ENTREP2: variants seen among roughly 807,000 people sequenced by gnomAD.
ENTREP2 encodes endosomal transmembrane epsin interactor 2.
At chr15:29,305,424 C>G in the ENTREP2 span, among the ~76,000 whole-genome samples, 1 of 152,024 alleles carries the variant, frequency 6.6e-6, no homozygotes, top group Non-Finnish European at 1.5e-5. Flanking sequence ...GCAGGAGTAG[C>G]GCCAGGGAGA....
At chr15:29,512,084 T>G in the ENTREP2 span, among the ~76,000 whole-genome samples, 1 of 151,952 alleles carries the variant, frequency 6.6e-6, no homozygotes, top group African/African-American at 2.4e-5. Context: ...TGAAAAATGG[T>G]AAATAAACAT....
chr15:29,581,708 TG>T, the ENTREP2 span, among the ~76,000 whole-genome samples: 36 of 149,494 alleles, frequency 2.4e-4, no homozygotes, highest in Non-Finnish European at 5.1e-4. Flanking sequence ...CCCAGCAAGT[TG>T]GTTTTTTTTT....
chr15:29,673,082 G>A, the ENTREP2 span, among the ~76,000 whole-genome samples: 1 of 152,098 alleles, frequency 6.6e-6, no homozygotes. Flanking sequence ...ACTTCTGGAC[G>A]TTGCCATGGC....
chr15:29,519,159 T>TCTCACA, the ENTREP2 span, among the ~76,000 whole-genome samples: 1 of 147,330 alleles, frequency 6.8e-6, no homozygotes, highest in African/African-American at 2.6e-5. Flanking sequence ...TCTCTCTCTC[T>TCTCACA]CACACACACA....
chr15:29,169,332 C>G, the ENTREP2 span, among the ~76,000 whole-genome samples: 3 of 152,024 alleles, frequency 2.0e-5, no homozygotes, highest in Non-Finnish European at 2.9e-5. Context: ...AAAAAAAAGG[C>G]TTTGCACACA....
chr15:29,443,590 G>C, the ENTREP2 span, among the ~76,000 whole-genome samples: 2 of 152,070 alleles, frequency 1.3e-5, no homozygotes, highest in African/African-American at 4.8e-5. Context: ...AGAAGTGTCC[G>C]AGGCAGAGCT....
chr15:29,537,495 G>GA, the ENTREP2 span, among the ~76,000 whole-genome samples: 1 of 152,110 alleles, frequency 6.6e-6, no homozygotes, highest in Admixed American at 6.5e-5. Flanking sequence ...CTGTAAAGCT[G>GA]AGGACCAGCC....
chr15:29,213,162 G>A, the ENTREP2 span, among the ~76,000 whole-genome samples: 1 of 152,106 alleles, frequency 6.6e-6, no homozygotes, highest in East Asian at 1.9e-4. Flanking sequence ...CTCTGTTTTG[G>A]TACCAGTACC....
chr15:29,384,472 G>A, the ENTREP2 span, among the ~76,000 whole-genome samples: 1 of 151,880 alleles, frequency 6.6e-6, no homozygotes, highest in African/African-American at 2.4e-5. Flanking sequence ...CCTCCCCACT[G>A]AAGCCATCCT....
chr15:29,367,028 A>G, the ENTREP2 span, among the ~76,000 whole-genome samples: 4 of 152,230 alleles, frequency 2.6e-5, no homozygotes, highest in African/African-American at 9.6e-5. Flanking sequence ...TCACTCCTCC[A>G]TAAGAGGAAA....
chr15:29,459,898 T>C, the ENTREP2 span, among the ~76,000 whole-genome samples: 1 of 152,218 alleles, frequency 6.6e-6, no homozygotes, highest in Non-Finnish European at 1.5e-5. Context: ...ATTATCATGC[T>C]TCATTAAAAG....
At chr15:29,188,594 C>CT in the ENTREP2 span, among the ~76,000 whole-genome samples, 1 of 152,234 alleles carries the variant, frequency 6.6e-6, no homozygotes, top group South Asian at 2.1e-4. Context: ...TGAACTCATT[C>CT]TTTTTTTATG....
At chr15:29,158,729 G>C in the ENTREP2 span, among the ~76,000 whole-genome samples, 3 of 152,198 alleles carry the variant, frequency 2.0e-5, no homozygotes, top group African/African-American at 4.8e-5. Context: ...ATATGAGAGA[G>C]AGGCGGGTCT....
the ENTREP2 span, chr15:29,268,080 A>G: frequency 6.6e-6 from 1 of 152,226 alleles, no homozygotes; most frequent in Non-Finnish European, 1.5e-5. Flanking sequence ...TATGTAGCAA[A>G]AACTTTAAGA....
chr15:29,208,402 T>G, the ENTREP2 span, among the ~76,000 whole-genome samples: 1 of 152,186 alleles, frequency 6.6e-6, no homozygotes, highest in Non-Finnish European at 1.5e-5. Flanking sequence ...ACATGTGTCA[T>G]CTACTTTGAA....
chr15:29,422,516 TC>T, the ENTREP2 span, among the ~76,000 whole-genome samples: 1 of 152,146 alleles, frequency 6.6e-6, no homozygotes, highest in Non-Finnish European at 1.5e-5. Flanking sequence ...AGGGGGAAAG[TC>T]AGCAAGTTTG....
chr15:29,181,631 A>G, the ENTREP2 span, among the ~76,000 whole-genome samples: 1 of 152,166 alleles, frequency 6.6e-6, no homozygotes, highest in Non-Finnish European at 1.5e-5. Flanking sequence ...ATATATATTC[A>G]TGTAGTTTCA....
At chr15:29,351,958 A>G in the ENTREP2 span, among the ~76,000 whole-genome samples, 15,109 of 151,608 alleles carry the variant, frequency 0.1, 1,642 homozygotes, top group African/African-American at 0.27. Flanking sequence ...TTCTGTAGAC[A>G]GGGTCTTGCT....
chr15:29,406,625 C>G, the ENTREP2 span, among the ~76,000 whole-genome samples: 1 of 152,028 alleles, frequency 6.6e-6, no homozygotes. Context: ...TTTTTCTGAT[C>G]TAGTCATTCT....
Sources: gnomAD v4.1 joint callset for allele counts (sites outside exome capture counted in the v4.1 genomes callset) on GRCh38, gnomAD v4.1.1 for gene constraint, MANE v1.5 for transcripts, NCBI Gene and HGNC (gene_info 2026-07-23, HGNC 2026-07-21) for gene names.